The following CACNA2D4 variants were observed in gnomAD, a reference collection of about 807,000 sequenced individuals.
CACNA2D4 encodes voltage-dependent calcium channel subunit alpha-2/delta-4.
A neutral mutation model predicts 163.8 loss-of-function variants in CACNA2D4; 157 were observed. The ratio of observed to expected loss-of-function variants is 0.96; its 90% CI spans 0.84 to 1.09. The LOEUF is 1.09. CACNA2D4 is among the 50% of genes least tolerant of loss of function. The probability of loss-of-function intolerance (pLI) is 0.00; values close to 1 mark genes in which losing one functional copy is unlikely to be tolerated. For synonymous variants in CACNA2D4, 598 were observed against 586.9 expected (o/e 1.02, Z -0.27); for missense variants, 1,410 against 1,479.9 (o/e 0.95, Z 0.78).
At chr12:1,809,710 T>G (rs1863643643) in intron 29 of CACNA2D4, 2 of 613,864 alleles carry the variant, frequency 3.3e-6, no homozygotes, top group East Asian at 5.5e-5. Context: ...AGGATTAGGA[T>G]GTGCAAGCCA....
intron 6 of CACNA2D4, 72 bp from the exon 7 acceptor site, chr12:1,887,141 C>G: frequency 9.4e-7 from 1 of 1,065,744 alleles, no homozygotes; most frequent in Non-Finnish European, 1.4e-6. Context: ...GGGTGTGGAC[C>G]CCCAAGATGG....
chr12:1,894,402 T>C lies in CACNA2D4; in HGVS notation c.782-7333A>G, dbSNP rs182862246. ...TCGTTCTGTGAGGCCAGCATTACTC[T>C]AATATCAAAACCAGATAAAGACACA... On this transcript the variant is annotated intron_variant, in intron 6 of 37. Coordinates refer to ENST00000382722, the MANE Select transcript of CACNA2D4 (RefSeq NM_172364.5). Among the ~76,000 whole-genome samples, 385 of 152,280 alleles carry C rather than the reference T, an allele frequency of 2.5e-3. 4 individuals carry two copies. Among genetic ancestry groups the C allele is most frequent in the African/African-American group, 8.8e-3 (364 of 41,560 alleles).
At chr12:1,897,032 T>C (rs1368179441) in intron 6 of CACNA2D4, among the ~76,000 whole-genome samples, 1 of 151,400 alleles carries the variant, frequency 6.6e-6, no homozygotes, top group African/African-American at 2.4e-5. Context: ...AAGCCAGGCA[T>C]AGAAAAACAA....
intron 26 of CACNA2D4, chr12:1,830,968 A>G: frequency 6.2e-7 from 1 of 1,612,570 alleles, no homozygotes; most frequent in Non-Finnish European, 8.5e-7. Flanking sequence ...TATGCTGTGG[A>G]GGCCCTCCCC....
intron 29 of CACNA2D4, among the ~76,000 whole-genome samples, chr12:1,805,042 G>A (rs1047670817): frequency 6.6e-6 from 1 of 152,174 alleles, no homozygotes. Context: ...GCCCCAGACC[G>A]CCCGTGGAGT....
rs1307488073 is a variant in CACNA2D4, at chr12:1,917,068, A to G, written c.227+1179T>C. On this transcript the variant is annotated intron_variant, in intron 1 of 37. Coordinates refer to ENST00000382722, the MANE Select transcript of CACNA2D4 (RefSeq NM_172364.5). The surrounding 1 kb of genome is among the most constrained non-coding windows in gnomAD (Gnocchi z 4.3). ...TTCTGAACATCTCCTGCAGCAACAG[A>G]TAGCGTTACGGGCTGGCGGCGGGTG... Among the ~76,000 whole-genome samples, 3 of 152,162 alleles carry G rather than the reference A, an allele frequency of 2.0e-5. No homozygotes were observed. The highest frequency in any genetic ancestry group is 1.3e-4 in the Admixed American group (2 of 15,284).
Position 1,802,351 on chromosome 12 carries a change from G to A in CACNA2D4, c.2722-707C>T, listed in dbSNP as rs1165045097. On this transcript the variant is annotated intron_variant, in intron 29 of 37. Coordinates refer to ENST00000382722, the MANE Select transcript of CACNA2D4 (RefSeq NM_172364.5). This position sits in a 1 kb window ranked among gnomAD's most constrained non-coding sequence, Gnocchi z 4.7. ...ATCTTACTCAAATGCAACATGGATGGGTCACTCTTGCCTTCATTTCCAAAA... is the reference window on the plus strand; with the variant it reads ...ATCTTACTCAAATGCAACATGGATGAGTCACTCTTGCCTTCATTTCCAAAA... Among the ~76,000 whole-genome samples, 3 of 152,100 alleles carry A rather than the reference G, an allele frequency of 2.0e-5. No individual in the cohort carries two copies. The highest frequency in any genetic ancestry group is 4.4e-5 in the Non-Finnish European group (3 of 68,022).
Position 1,918,353 on chromosome 12 carries a change from G to T in CACNA2D4, c.121C>A (p.Pro41Thr), listed in dbSNP as rs1170423858. ...SSRWIPLQPM[P>T]VAWAFVQKTS... ...TTCTGCACAAAGGCCCAGGCCACGG[G>T]CATTGGCTGGAGGGGAATCCAGCGG... Residue 41 changes from proline (P) to threonine (T), a missense_variant, in exon 1 of 38, where the codon CCC (proline) becomes ACC (threonine). Physicochemically the swap from Pro to Thr is conservative, Grantham distance 38 (BLOSUM62 -1). Transcript: ENST00000382722. The T allele has an allele frequency of 6.2e-7, 1 of 1,607,274 alleles. No homozygotes were observed. The highest frequency in any genetic ancestry group is 8.5e-7 in the Non-Finnish European group (1 of 1,176,928).
Position 1,793,605 on chromosome 12 carries a change from A to T in CACNA2D4, c.*50T>A, listed in dbSNP as rs758201415. On this transcript the variant is annotated 3_prime_UTR_variant, in exon 38 of 38. Transcript: ENST00000382722. ...CCCATGTCAGTGCTGACTTTTTGGG[A>T]TGGCTCTGGAAGGATCACCTTGCCA... The T allele has an allele frequency of 1.9e-5, 29 of 1,535,776 alleles. No individual in the cohort carries two copies. The Admixed American group carries it at 4.9e-4, about 26-fold the overall frequency.
intron 5 of CACNA2D4, 106 bp downstream of exon 5, chr12:1,907,769 G>A (rs1193626523): frequency 7.5e-6 from 10 of 1,339,450 alleles, no homozygotes; most frequent in Non-Finnish European, 1.0e-5. Context: ...TGTCTGGTGG[G>A]CCAGCCTGGT....
At chr12:1,838,870 G>A (rs1049647410) in intron 26 of CACNA2D4, among the ~76,000 whole-genome samples, 1 of 152,186 alleles carries the variant, frequency 6.6e-6, no homozygotes, top group Non-Finnish European at 1.5e-5. Context: ...CGGAGTCAAA[G>A]TTTGGCCTGG....
At position 1,801,253 on chromosome 12, in the gene CACNA2D4, T is replaced by G. The variant is rs77291817; in HGVS notation, c.2793-135A>C. 197 of 728,086 alleles carry G rather than the reference T, an allele frequency of 2.7e-4. No homozygotes were observed. The African/African-American group carries it at 3.0e-3, about 11-fold the overall frequency. 45.1% of individuals were successfully genotyped at this position (728,086 alleles called of 1,614,324 possible). ...CCTGAGCTAGGACAGCAGATCAGAA[T>G]ACAGCTCATGCTGAAAATTACATTT... On this transcript the variant is annotated intron_variant, in intron 30 of 37. Transcript: ENST00000382722.
At chr12:1,880,548 G>A (rs1028488261) in intron 13 of CACNA2D4, among the ~76,000 whole-genome samples, 1 of 152,260 alleles carries the variant, frequency 6.6e-6, no homozygotes, top group Admixed American at 6.5e-5. Flanking sequence ...AAGGGGCTCT[G>A]CATGTGTGCC....
chr12:1,850,349 T>C (rs1370284411), intron 23 of CACNA2D4, among the ~76,000 whole-genome samples: 1 of 152,212 alleles, frequency 6.6e-6, no homozygotes, highest in African/African-American at 2.4e-5. Context: ...CTTTATATTT[T>C]AAGACTATTT....
chr12:1,830,972 C>T (rs778801268), intron 26 of CACNA2D4: 17 of 1,612,910 alleles, frequency 1.1e-5, no homozygotes, highest in South Asian at 3.3e-5. Context: ...CTGTGGAGGC[C>T]CTCCCCACCT....
At chr12:1,911,318 T>G (rs886612027) in intron 3 of CACNA2D4, among the ~76,000 whole-genome samples, 7 of 151,554 alleles carry the variant, frequency 4.6e-5, no homozygotes, top group Non-Finnish European at 8.8e-5. Context: ...CCTGGCACAA[T>G]TTTTTTTTCT....
In CACNA2D4 at chr12:1,806,426, C is replaced by T. The variant is rs1863539487; in HGVS notation, c.2721+3852G>A. Among the ~76,000 whole-genome samples, 1 of 152,196 alleles carries T rather than the reference C, an allele frequency of 6.6e-6. No homozygotes were observed. Among genetic ancestry groups the T allele is most frequent in the Admixed American group, 6.5e-5 (1 of 15,292 alleles). ...CAAGAAAGAGCCAAGCAGCCACTCC[C>T]TGGGGCTGGCTGCAGATGAGGCCCT... On this transcript the variant is annotated intron_variant, in intron 29 of 37. Coordinates refer to ENST00000382722, the MANE Select transcript of CACNA2D4 (RefSeq NM_172364.5). This position sits in a 1 kb window ranked among gnomAD's most constrained non-coding sequence, Gnocchi z 4.1.
In CACNA2D4 at chr12:1,844,609, A is replaced by G; in HGVS notation, c.2343-80T>C. Reference sequence around the variant, plus strand: ...TCTTTCCTTTTCTCACACAAGGTCAACTTGGCTGGGCTAAGAGAGTGATTT... The same window carrying G: ...TCTTTCCTTTTCTCACACAAGGTCAGCTTGGCTGGGCTAAGAGAGTGATTT... On this transcript the variant is annotated intron_variant, in intron 24 of 37. Coordinates refer to ENST00000382722, the MANE Select transcript of CACNA2D4 (RefSeq NM_172364.5). The surrounding 1 kb of genome is among the most constrained non-coding windows in gnomAD (Gnocchi z 4.2). 2.0e-6 allele frequency: 3 copies of G among 1,496,550 alleles called. No individual in the cohort carries two copies. The highest frequency in any genetic ancestry group is 9.1e-7 in the Non-Finnish European group (1 of 1,093,138). 92.7% of individuals were successfully genotyped at this position (1,496,550 alleles called of 1,614,324 possible).
chr12:1,862,943 A>T (rs4765850), intron 18 of CACNA2D4, among the ~76,000 whole-genome samples: 10,009 of 152,194 alleles, frequency 0.066, 796 homozygotes, highest in East Asian at 0.41. Context: ...AATGAAGTCT[A>T]GTTTATCAGA....
Sources: gnomAD v4.1 joint callset for allele counts (sites outside exome capture counted in the v4.1 genomes callset) on GRCh38, gnomAD v4.1.1 for gene constraint, Gnocchi (gnomAD v3.1) non-coding constraint, MANE v1.5 for transcripts, NCBI Gene and HGNC (gene_info 2026-07-23, HGNC 2026-07-21) for gene names.